Variants in HMX2 observed in about 807,000 individuals in gnomAD.
HMX2 encodes homeobox protein HMX2.
A neutral mutation model predicts 21.2 loss-of-function variants in HMX2; 15 were observed. That is an observed-to-expected ratio of 0.71 (90% CI 0.47 to 1.09). The LOEUF (loss-of-function observed/expected upper bound fraction) is 1.09, where lower values mean the gene tolerates loss of function less well. Among genes scored for constraint, HMX2 ranks in the 50% least tolerant of loss-of-function variants. The pLI, the probability that HMX2 is intolerant of heterozygous loss-of-function variation, is 0.00. For synonymous variants in HMX2, 193 were observed against 181.0 expected (o/e 1.07, Z -0.53); for missense variants, 440 against 381.5 (o/e 1.15, Z -1.28).
Position 123,148,565 on chromosome 10 carries a change from C to T in HMX2, c.187C>T (p.Pro63Ser). The T allele has an allele frequency of 6.2e-7, 1 of 1,613,284 alleles. No individual in the cohort carries two copies. The highest frequency in any genetic ancestry group is 8.5e-7 in the Non-Finnish European group (1 of 1,179,836). The change falls in exon 1 of 2, where the codon CCC (proline) becomes TCC (serine). Residue 63 changes from proline (P) to serine (S), a missense_variant. By Grantham distance (74) the Pro-to-Ser change is moderately conservative. Coordinates refer to ENST00000339992, the MANE Select transcript of HMX2 (RefSeq NM_005519.2). ...EEEPDDGWKAPACFCPDQHGP... is the reference protein window; with the variant it reads ...EEEPDDGWKASACFCPDQHGP... ...GGAGCCGGACGACGGCTGGAAGGCG[C>T]CCGCCTGCTTCTGCCCAGACCAGCA...
chr10:123,148,759 G>A (rs1325956506), intron 1 of HMX2, 113 bp downstream of exon 1: 5 of 1,376,106 alleles, frequency 3.6e-6, no homozygotes, highest in Non-Finnish European at 4.9e-6. Context: ...GCGGCAGCCG[G>A]GGGTTCGGGA....
At chr10:123,148,747 C>T (rs1844231722) in intron 1 of HMX2, 101 bp downstream of exon 1, 13 of 1,438,326 alleles carry the variant, frequency 9.0e-6, no homozygotes, top group Admixed American at 7.9e-5. Context: ...CTGGCCAGAG[C>T]TGCGGCAGCC....
Position 123,149,646 on chromosome 10 carries a change from C to A in HMX2, c.345C>A (p.Asp115Glu). 1 of 1,542,818 alleles carries A rather than the reference C, an allele frequency of 6.5e-7. No individual in the cohort carries two copies. Among genetic ancestry groups the A allele is most frequent in the Non-Finnish European group, 8.7e-7 (1 of 1,152,118 alleles). ...CTTTCCTCTCTCCTTCGCACTCGGA[C>A]TTTAAAGAAGAGAAAGAGAGGCTCC... ...RTPFLSPSHS[D>E]FKEEKERLLP... Residue 115 changes from aspartate to glutamate, a missense_variant, in exon 2 of 2, where the codon GAC (aspartate) becomes GAA (glutamate). By Grantham distance (45) the Asp-to-Glu change is conservative. Transcript: ENST00000339992. This position sits in a 1 kb window ranked among gnomAD's most constrained non-coding sequence, Gnocchi z 5.4.
chr10:123,148,257 T>G lies in HMX2; in HGVS notation c.-122T>G. ...ACGCCTCACCAGCCTCGGCGCCCCCTCCCCCTAGATTTCCTCCCCGCCCCT... is the reference window on the plus strand; with the variant it reads ...ACGCCTCACCAGCCTCGGCGCCCCCGCCCCCTAGATTTCCTCCCCGCCCCT... On this transcript the variant is annotated 5_prime_UTR_variant, in exon 1 of 2. Coordinates refer to ENST00000339992, the MANE Select transcript of HMX2 (RefSeq NM_005519.2). 10 of 493,704 alleles carry G rather than the reference T, an allele frequency of 2.0e-5. No homozygotes were observed. Among genetic ancestry groups the G allele is most frequent in the East Asian group, 5.2e-5 (1 of 19,398 alleles). 30.6% of individuals were successfully genotyped at this position (493,704 alleles called of 1,614,324 possible).
Position 123,149,258 on chromosome 10 carries a change from C to T in HMX2, c.269-312C>T, listed in dbSNP as rs1481229970. Among the ~76,000 whole-genome samples, 1 of 152,222 alleles carries T rather than the reference C, an allele frequency of 6.6e-6. No homozygotes were observed. Among genetic ancestry groups the T allele is most frequent in the Non-Finnish European group, 1.5e-5 (1 of 68,044 alleles). The stretch of plus-strand genomic sequence containing the variant: ...AGGAACTCTTCCAGCTCAATTACCA[C>T]CAAGCAAATTCGCCTTTTAAAACCA... On this transcript the variant is annotated intron_variant, in intron 1 of 1. Transcript: ENST00000339992. The surrounding 1 kb of genome is among the most constrained non-coding windows in gnomAD (Gnocchi z 5.4).
rs894738074 is a variant in HMX2 at position 123,149,166 on chromosome 10, C to G, written c.269-404C>G. Among the ~76,000 whole-genome samples, 2 of 152,176 alleles carry G rather than the reference C, an allele frequency of 1.3e-5. No individual in the cohort carries two copies. Among genetic ancestry groups the G allele is most frequent in the Non-Finnish European group, 2.9e-5 (2 of 68,030 alleles). On this transcript the variant is annotated intron_variant, in intron 1 of 1. Coordinates refer to ENST00000339992, the MANE Select transcript of HMX2 (RefSeq NM_005519.2). The surrounding 1 kb of genome is among the most constrained non-coding windows in gnomAD (Gnocchi z 5.4). ...TTACAACATTTGACGAAGGGGAGTC[C>G]TGCGTTAGTCCTTAGCGTGATTTCC...
At position 123,149,569 on chromosome 10, in the gene HMX2, G is replaced by A. The variant is rs202148161; in HGVS notation, c.269-1G>A. 111 of 1,440,080 alleles carry A rather than the reference G, an allele frequency of 7.7e-5. 1 individual carries two copies. Among genetic ancestry groups the A allele is most frequent in the Non-Finnish European group, 1.5e-5 (16 of 1,098,488 alleles). 89.2% of individuals were successfully genotyped at this position (1,440,080 alleles called of 1,614,324 possible). On this transcript the variant is annotated splice_acceptor_variant, in intron 1 of 1. Transcript: ENST00000339992. LOFTEE classifies it high-confidence loss of function. The surrounding 1 kb of genome is among the most constrained non-coding windows in gnomAD (Gnocchi z 5.4). The stretch of plus-strand genomic sequence containing the variant: ...CCTTTCTGTCTGTTCTCGCTCCTCA[G>A]GTACCCCCAAGGGCAGCGGAGGCTC...
Position 123,148,572 on chromosome 10 carries a change from G to A in HMX2, c.194G>A (p.Cys65Tyr), listed in dbSNP as rs769730925. Residue 65 changes from cysteine to tyrosine, a missense_variant, in exon 1 of 2, where the codon TGC (cysteine) becomes TAC (tyrosine). Cys to Tyr is a radical substitution (Grantham distance 194). Coordinates refer to ENST00000339992, the MANE Select transcript of HMX2 (RefSeq NM_005519.2). ...EPDDGWKAPA[C>Y]FCPDQHGPKE... is the part of the protein sequence containing the mutation. Reference sequence around the variant, plus strand: ...GACGACGGCTGGAAGGCGCCCGCCTGCTTCTGCCCAGACCAGCACGGCCCT... The same window carrying A: ...GACGACGGCTGGAAGGCGCCCGCCTACTTCTGCCCAGACCAGCACGGCCCT... 41 of 1,613,490 alleles carry A rather than the reference G, an allele frequency of 2.5e-5. No individual in the cohort carries two copies. The East Asian group carries it at 9.1e-4, about 36-fold the overall frequency.
At position 123,148,699 on chromosome 10, in the gene HMX2, G is replaced by T; in HGVS notation, c.268+53G>T. ...AGCGAGCGAGCGCGAGGGGAGGGAGGCTGAGCGCCCCGCCAAGACTCCCGC... is the reference window on the plus strand; with the variant it reads ...AGCGAGCGAGCGCGAGGGGAGGGAGTCTGAGCGCCCCGCCAAGACTCCCGC... On this transcript the variant is annotated intron_variant, in intron 1 of 1. Coordinates refer to ENST00000339992, the MANE Select transcript of HMX2 (RefSeq NM_005519.2). 3.2e-6 allele frequency: 5 copies of T among 1,572,816 alleles called. No individual in the cohort carries two copies. The South Asian group carries it at 4.7e-5, about 15-fold the overall frequency.
rs767051765 is a variant in HMX2 at position 123,148,522 on chromosome 10, C to A, written c.144C>A (p.Ser48=). The A allele has an allele frequency of 2.5e-6, 4 of 1,613,062 alleles. No individual in the cohort carries two copies. In the South Asian group the frequency reaches 3.3e-5, roughly 13 times the overall value. ...VGWPARKRSL[S]VSSEEEEPDD... ...GGCCAGCCAGGAAGCGCAGCCTGTC[C>A]GTGTCCTCGGAGGAGGAGGAGCCGG... Residue 48 remains serine, a synonymous_variant, in exon 1 of 2, where the codon TCC becomes TCA. Coordinates refer to ENST00000339992, the MANE Select transcript of HMX2 (RefSeq NM_005519.2).
At position 123,149,561 on chromosome 10, in the gene HMX2, G is replaced by A. The variant is rs1272888898; in HGVS notation, c.269-9G>A. ...CTCCATGGCCTTTCTGTCTGTTCTC[G>A]CTCCTCAGGTACCCCCAAGGGCAGC... On this transcript the variant is annotated splice_polypyrimidine_tract_variant and intron_variant, in intron 1 of 1. Coordinates refer to ENST00000339992, the MANE Select transcript of HMX2 (RefSeq NM_005519.2). This position sits in a 1 kb window ranked among gnomAD's most constrained non-coding sequence, Gnocchi z 5.4. The A allele has an allele frequency of 4.2e-6, 6 of 1,431,016 alleles. No homozygotes were observed. The highest frequency in any genetic ancestry group is 5.5e-6 in the Non-Finnish European group (6 of 1,093,386). The allele number at this position is 1,431,016 out of a possible 1,614,324, so 88.6% of individuals were successfully genotyped here.
Position 123,149,665 on chromosome 10 carries a change from A to C in HMX2, c.364A>C (p.Arg122=). 6.4e-7 allele frequency: 1 copy of C among 1,561,344 alleles called. No homozygotes were observed. Among genetic ancestry groups the C allele is most frequent in the Non-Finnish European group, 8.6e-7 (1 of 1,159,684 alleles). The change falls in exon 2 of 2, where the codon AGG becomes CGG. Residue 122 remains arginine, a synonymous_variant. Coordinates refer to ENST00000339992, the MANE Select transcript of HMX2 (RefSeq NM_005519.2). The surrounding 1 kb of genome is among the most constrained non-coding windows in gnomAD (Gnocchi z 5.4). The part of the protein sequence containing the change: ...SHSDFKEEKE[R]LLPAGSPSPG... ...CTCGGACTTTAAAGAAGAGAAAGAG[A>C]GGCTCCTGCCCGCGGGCTCGCCCTC... is the stretch of plus-strand genomic sequence containing the variant.
rs755309781 is a variant in HMX2 at position 123,148,538 on chromosome 10, G to C, written c.160G>C (p.Glu54Gln). Residue 54 changes from glutamate (E) to glutamine (Q), a missense_variant, in exon 1 of 2, where the codon GAG becomes CAG. Transcript: ENST00000339992. ...KRSLSVSSEE[E>Q]EPDDGWKAPA... ...CAGCCTGTCCGTGTCCTCGGAGGAG[G>C]AGGAGCCGGACGACGGCTGGAAGGC... is the stretch of plus-strand genomic sequence containing the variant. 1.9e-6 allele frequency: 3 copies of C among 1,613,156 alleles called. No individual in the cohort carries two copies. The highest frequency in any genetic ancestry group is 1.7e-6 in the Non-Finnish European group (2 of 1,179,778).
Position 123,148,212 on chromosome 10 carries a change from A to C in HMX2, c.-167A>C, listed in dbSNP as rs889875183. 1.1e-5 allele frequency: 8 copies of C among 707,974 alleles called. No individual in the cohort carries two copies. The African/African-American group carries it at 1.3e-4, about 12-fold the overall frequency. 43.9% of individuals were successfully genotyped at this position (707,974 alleles called of 1,614,324 possible). The stretch of plus-strand genomic sequence containing the variant: ...CCCTGCGCAGCCATCCGGTGCCTGC[A>C]TGTCCCTGGCGCGGAAGGGACGCCT... On this transcript the variant is annotated 5_prime_UTR_variant, in exon 1 of 2. The change abolishes an upstream ATG in the 5' untranslated region. Coordinates refer to ENST00000339992, the MANE Select transcript of HMX2 (RefSeq NM_005519.2).
chr10:123,149,746 A>G lies in HMX2; in HGVS notation c.445A>G (p.Lys149Glu), dbSNP rs1181232138. The G allele has an allele frequency of 2.6e-6, 4 of 1,553,294 alleles. No individual in the cohort carries two copies. In the East Asian group the frequency reaches 9.8e-5, roughly 38 times the overall value. ...CGCTGAGCGGCAGGCCGGCGCGGCCAAGAAGAAGACGCGCACCGTCTTTTC... is the reference window on the plus strand; with the variant it reads ...CGCTGAGCGGCAGGCCGGCGCGGCCGAGAAGAAGACGCGCACCGTCTTTTC... ...GGAERQAGAA[K>E]KKTRTVFSRS... Residue 149 changes from lysine to glutamate, a missense_variant, in exon 2 of 2, where the codon AAG becomes GAG. By Grantham distance (56) the Lys-to-Glu change is moderately conservative. Transcript: ENST00000339992. This position sits in a 1 kb window ranked among gnomAD's most constrained non-coding sequence, Gnocchi z 5.4.
rs1221392311 is a variant in HMX2, at chr10:123,148,378, G to C, written c.-1G>C. 17 of 1,613,090 alleles carry C rather than the reference G, an allele frequency of 1.1e-5. No individual in the cohort carries two copies. The highest frequency in any genetic ancestry group is 1.4e-5 in the Non-Finnish European group (16 of 1,179,624). On this transcript the variant is annotated 5_prime_UTR_variant, in exon 1 of 2. Transcript: ENST00000339992. The stretch of plus-strand genomic sequence containing the variant: ...TTCCTTCGATTTCTTATGAACCCAG[G>C]ATGGGCAGCAAAGAAGATGCGGGCA...
chr10:123,148,147 G>C lies in HMX2; in HGVS notation c.-232G>C, dbSNP rs139283037. ...CGGGCGAGGAAGGGGCATTTGCACC[G>C]GGGCTGGGCGGGCGCACCCAGAGCC... On this transcript the variant is annotated 5_prime_UTR_variant, in exon 1 of 2. Transcript: ENST00000339992. 1.6e-5 allele frequency: 9 copies of C among 548,196 alleles called. No individual in the cohort carries two copies. Among genetic ancestry groups the C allele is most frequent in the Admixed American group, 3.8e-5 (1 of 26,346 alleles). 34.0% of individuals were successfully genotyped at this position (548,196 alleles called of 1,614,324 possible). A position where few individuals can be genotyped will look rare whatever the true frequency, so the allele number is the denominator to read the frequency against.
rs763196041 is a variant in HMX2 at position 123,149,543 on chromosome 10, G to T, written c.269-27G>T. The T allele has an allele frequency of 2.8e-6, 4 of 1,420,166 alleles. No homozygotes were observed. In the African/African-American group the frequency reaches 6.0e-5, roughly 21 times the overall value. 88.0% of individuals were successfully genotyped at this position (1,420,166 alleles called of 1,614,324 possible). On this transcript the variant is annotated intron_variant, in intron 1 of 1. Coordinates refer to ENST00000339992, the MANE Select transcript of HMX2 (RefSeq NM_005519.2). The surrounding 1 kb of genome is among the most constrained non-coding windows in gnomAD (Gnocchi z 5.4). ...CCGAGGCTCCCCAACCAACTCCATG[G>T]CCTTTCTGTCTGTTCTCGCTCCTCA...
In HMX2 at chr10:123,150,200, C is replaced by T; in HGVS notation, c.*77C>T. On this transcript the variant is annotated 3_prime_UTR_variant, in exon 2 of 2. Coordinates refer to ENST00000339992, the MANE Select transcript of HMX2 (RefSeq NM_005519.2). The surrounding 1 kb of genome is among the most constrained non-coding windows in gnomAD (Gnocchi z 4.2). ...CTGTACTGTAAGCAGGGCTCCGGAG[C>T]AAGGCGGCGTGTTTCCAGAAATATG... is the stretch of plus-strand genomic sequence containing the variant. The T allele has an allele frequency of 8.0e-7, 1 of 1,243,712 alleles. No homozygotes were observed. The highest frequency in any genetic ancestry group is 1.1e-6 in the Non-Finnish European group (1 of 923,344). The allele number at this position is 1,243,712 out of a possible 1,614,324, so 77.0% of individuals were successfully genotyped here.
Sources: gnomAD v4.1 joint callset for allele counts (sites outside exome capture counted in the v4.1 genomes callset) on GRCh38, gnomAD v4.1.1 for gene constraint, Gnocchi (gnomAD v3.1) non-coding constraint, MANE v1.5 for transcripts, NCBI Gene and HGNC (gene_info 2026-07-23, HGNC 2026-07-21) for gene names.